NIM1K: variants seen among roughly 807,000 people sequenced by gnomAD.
NIM1K encodes the protein NIM1 serine/threonine protein kinase, also known as serine/threonine-protein kinase NIM1.
Under a neutral mutation model 37.1 loss-of-function variants are expected in NIM1K, and 35 were observed. The ratio of observed to expected loss-of-function variants is 0.94; its 90% CI spans 0.72 to 1.25. NIM1K has a LOEUF of 1.25. Ranked by LOEUF, NIM1K falls within the 50% of genes most tolerant of loss-of-function variation. NIM1K has a pLI of 0.00. For missense variants in NIM1K, 564 were observed against 548.0 expected (o/e 1.03, Z -0.29); for synonymous variants, 234 against 206.6 (o/e 1.13, Z -1.14).
rs190575786 is a variant in NIM1K, at chr5:43,200,372, C to G, written c.-695+7961C>G. Among the ~76,000 whole-genome samples, 437 of 152,278 alleles carry G rather than the reference C, an allele frequency of 2.9e-3. 2 individuals carry two copies. The highest frequency in any genetic ancestry group is 0.01 in the African/African-American group (425 of 41,552). On this transcript the variant is annotated intron_variant, in intron 1 of 3. Transcript: ENST00000326035. ...CTGGAGTGCAGTGACGCGATCTCGG[C>G]TCACTGCAAACTCCGCCTCCCAGGT...
chr5:43,271,602 C>A (rs752976900), intron 2 of NIM1K, among the ~76,000 whole-genome samples: 1 of 152,192 alleles, frequency 6.6e-6, no homozygotes, highest in East Asian at 1.9e-4. Context: ...CACAAACTTG[C>A]ATCTTGCAAA....
chr5:43,196,831 G>C (rs1253411486), intron 1 of NIM1K, among the ~76,000 whole-genome samples: 1 of 151,638 alleles, frequency 6.6e-6, no homozygotes, highest in African/African-American at 2.4e-5. Flanking sequence ...AGAGTACAGT[G>C]GTGTGATCAT....
rs150968749 is a variant in NIM1K, at chr5:43,214,868, T to C, written c.-695+22457T>C. Among the ~76,000 whole-genome samples the C allele has an allele frequency of 8.5e-4, 128 of 151,124 alleles. 1 individual carries two copies. The highest frequency in any genetic ancestry group is 2.8e-3 in the African/African-American group (117 of 41,200). ...AAAGAAATGTGCCCATTTTGTGGAC[T>C]TCATGGTTATTTAACTTACACCCTC... On this transcript the variant is annotated intron_variant, in intron 1 of 3. Transcript: ENST00000326035.
intron 1 of NIM1K, among the ~76,000 whole-genome samples, chr5:43,219,170 A>G (rs1752348601): frequency 6.6e-6 from 1 of 152,146 alleles, no homozygotes; most frequent in Admixed American, 6.6e-5. Context: ...ACCATGAATT[A>G]TTAAACCTCT....
At chr5:43,263,386 T>C (rs1465354416) in intron 2 of NIM1K, among the ~76,000 whole-genome samples, 7 of 152,196 alleles carry the variant, frequency 4.6e-5, no homozygotes, top group Non-Finnish European at 8.8e-5. Context: ...GATTTTCTAG[T>C]TTATTTGCAG....
chr5:43,278,698 G>T (rs984877648), intron 3 of NIM1K, among the ~76,000 whole-genome samples: 1 of 152,190 alleles, frequency 6.6e-6, no homozygotes, highest in Non-Finnish European at 1.5e-5. Flanking sequence ...CTCATTACAT[G>T]CCAGGCACTG....
chr5:43,193,315 CCCTCCTTT>C (rs1263540883), intron 1 of NIM1K: 1 of 151,578 alleles, frequency 6.6e-6, no homozygotes, highest in Non-Finnish European at 1.5e-5. Context: ...TCTTCTCCCT[CCCTCCTTT>C]CCTCCTCCTC....
intron 1 of NIM1K, among the ~76,000 whole-genome samples, chr5:43,238,135 C>T (rs948257974): frequency 4.0e-5 from 6 of 150,710 alleles, no homozygotes; most frequent in South Asian, 2.1e-4. Context: ...CTCTGCCTCA[C>T]GGGTTCACGC....
intron 2 of NIM1K, among the ~76,000 whole-genome samples, chr5:43,266,604 A>G (rs1579609256): frequency 6.6e-6 from 1 of 152,132 alleles, no homozygotes; most frequent in Non-Finnish European, 1.5e-5. Flanking sequence ...TTCAGCTCAC[A>G]CTTCGTGGGC....
intron 1 of NIM1K, among the ~76,000 whole-genome samples, chr5:43,199,189 C>CAAAAAAAAAAA (rs1368419224): frequency 1.0e-4 from 1 of 9,824 alleles, no homozygotes; most frequent in Non-Finnish European, 1.7e-4. Context: ...GCTCTGTCTC[C>CAAAAAAAAAAA]AAAAAAAAAA....
intron 2 of NIM1K, among the ~76,000 whole-genome samples, chr5:43,271,673 C>T (rs1413051360): frequency 6.6e-6 from 1 of 152,068 alleles, no homozygotes; most frequent in African/African-American, 2.4e-5. Flanking sequence ...TAAGATTTTC[C>T]CAGTTCTTGT....
At position 43,245,939 on chromosome 5, in the gene NIM1K, T is replaced by C. The variant is rs780016416; in HGVS notation, c.164T>C (p.Met55Thr). 20 of 1,613,866 alleles carry C rather than the reference T, an allele frequency of 1.2e-5. No individual in the cohort carries two copies. Among genetic ancestry groups the C allele is most frequent in the Non-Finnish European group, 1.5e-5 (18 of 1,179,988 alleles). ...CCCTTCGAGAAACTGACACAGGACA[T>C]GTCCCAGGATGAGAAGGTGGTGAGG... is the stretch of plus-strand genomic sequence containing the variant. ...LTPFEKLTQD[M>T]SQDEKVVREI... The change falls in exon 2 of 4, where the codon ATG (methionine) becomes ACG (threonine). Residue 55 changes from methionine (M) to threonine (T), a missense_variant. Transcript: ENST00000326035.
intron 1 of NIM1K, among the ~76,000 whole-genome samples, chr5:43,242,456 G>T (rs986622582): frequency 1.3e-5 from 2 of 151,722 alleles, no homozygotes; most frequent in African/African-American, 2.4e-5. Flanking sequence ...GGGCAGGGAT[G>T]GGGGAGACTT....
intron 1 of NIM1K, among the ~76,000 whole-genome samples, chr5:43,213,158 T>G (rs1425721700): frequency 4.0e-5 from 1 of 24,750 alleles, no homozygotes. Context: ...ATTTTCTTTC[T>G]TTCTTTTTTT....
At chr5:43,258,431 C>T (rs1048417169) in intron 2 of NIM1K, among the ~76,000 whole-genome samples, 6 of 151,058 alleles carry the variant, frequency 4.0e-5, no homozygotes, top group Middle Eastern at 6.3e-3. Context: ...CTAGTACAAG[C>T]GTTTTTGGTA....
At chr5:43,233,199 C>A (rs113403491) in intron 1 of NIM1K, 40 of 1,072,720 alleles carry the variant, frequency 3.7e-5, no homozygotes, top group Non-Finnish European at 4.3e-5. Flanking sequence ...GCTGCCGAGG[C>A]GATGGTGGAG....
At chr5:43,232,747 C>G (rs1241227183) in intron 1 of NIM1K, 16 of 1,204,164 alleles carry the variant, frequency 1.3e-5, no homozygotes, top group Non-Finnish European at 1.8e-5. Flanking sequence ...AATTCCTTCA[C>G]CAAAGCTGTG....
At chr5:43,263,070 T>C (rs1488880908) in intron 2 of NIM1K, among the ~76,000 whole-genome samples, 1 of 152,190 alleles carries the variant, frequency 6.6e-6, no homozygotes, top group Non-Finnish European at 1.5e-5. Flanking sequence ...GTGAAAATTC[T>C]CTTTTTTTGT....
At chr5:43,243,867 C>T (rs1215021427) in intron 1 of NIM1K, among the ~76,000 whole-genome samples, 1 of 152,044 alleles carries the variant, frequency 6.6e-6, no homozygotes, top group Non-Finnish European at 1.5e-5. Flanking sequence ...CTAGGAGGTA[C>T]AACACCACAC....
Sources: gnomAD v4.1 joint callset for allele counts (sites outside exome capture counted in the v4.1 genomes callset) on GRCh38, gnomAD v4.1.1 for gene constraint, MANE v1.5 for transcripts, NCBI Gene and HGNC (gene_info 2026-07-23, HGNC 2026-07-21) for gene names.